DSCAM: variants seen among roughly 807,000 people sequenced by gnomAD.
DSCAM encodes cell adhesion molecule DSCAM.
Under a neutral mutation model 217.7 loss-of-function variants are expected in DSCAM, and 47 were observed. The ratio of observed to expected loss-of-function variants is 0.22; its 90% CI spans 0.17 to 0.28. The LOEUF is 0.28. DSCAM is among the 10% of genes least tolerant of loss of function. The pLI is 1.00. For missense variants in DSCAM, 2,080 were observed against 2,618.3 expected (o/e 0.79, Z 4.49); for synonymous variants, 1,056 against 1,015.3 (o/e 1.04, Z -0.76).
chr21:40,383,775 TC>T (rs2075051693), intron 3 of DSCAM: 1 of 152,230 alleles, frequency 6.6e-6, no homozygotes, highest in Non-Finnish European at 1.5e-5. Context: ...AAACTGATTT[TC>T]CATTTAAAAG....
intron 3 of DSCAM, among the ~76,000 whole-genome samples, chr21:40,577,452 T>C (rs974385728): frequency 6.8e-5 from 8 of 117,958 alleles, no homozygotes; most frequent in African/African-American, 2.1e-4. Flanking sequence ...TTTCCTCAGG[T>C]GGCGCCCCCC....
At chr21:40,174,591 T>C (rs1350620841) in intron 15 of DSCAM, among the ~76,000 whole-genome samples, 1 of 151,774 alleles carries the variant, frequency 6.6e-6, no homozygotes, top group Non-Finnish European at 1.5e-5. Flanking sequence ...TAGGTGAAGT[T>C]TGGCTCACCG....
intron 3 of DSCAM, among the ~76,000 whole-genome samples, chr21:40,576,925 C>T (rs2076855495): frequency 6.6e-6 from 1 of 151,456 alleles, no homozygotes; most frequent in Non-Finnish European, 1.5e-5. Context: ...AAACGCCACA[C>T]TTTGAGACGA....
At chr21:40,327,822 C>A (rs939388417) in intron 8 of DSCAM, among the ~76,000 whole-genome samples, 2 of 151,420 alleles carry the variant, frequency 1.3e-5, no homozygotes, top group African/African-American at 2.4e-5. Context: ...AGCTACAAGG[C>A]AAAAATCAGT....
intron 3 of DSCAM, among the ~76,000 whole-genome samples, chr21:40,459,031 G>A (rs900587547): frequency 1.3e-5 from 2 of 151,540 alleles, no homozygotes; most frequent in Admixed American, 6.6e-5. Flanking sequence ...AACAAGAAAG[G>A]ATGAAAATAA....
intron 28 of DSCAM, among the ~76,000 whole-genome samples, chr21:40,062,177 A>G (rs1002704880): frequency 1.7e-4 from 26 of 152,212 alleles, no homozygotes; most frequent in African/African-American, 6.3e-4. Context: ...CACACTTGTC[A>G]CAGCTTTGCC....
In DSCAM at chr21:40,347,700, C is replaced by T. The variant is rs762944210; in HGVS notation, c.1180G>A (p.Ala394Thr). ...AGGACCACCTGCACATAGTCTTGAG[C>T]GGACAGCTTGTCCTTGCGCACAAAG... Reference protein sequence around the residue: ...QCFVRKDKLSAQDYVQVVLED... With the variant: ...QCFVRKDKLSTQDYVQVVLED... The change falls in exon 6 of 33, where the codon GCT becomes ACT. Residue 394 changes from alanine (A) to threonine (T), a missense_variant. Ala to Thr is a moderately conservative substitution (Grantham distance 58). Coordinates refer to ENST00000400454, the MANE Select transcript of DSCAM (RefSeq NM_001389.5). The T allele has an allele frequency of 1.4e-5, 22 of 1,613,950 alleles. No homozygotes were observed. The highest frequency in any genetic ancestry group is 1.3e-4 in the Admixed American group (8 of 60,000).
chr21:40,311,545 G>A (rs2074137391), intron 9 of DSCAM, among the ~76,000 whole-genome samples: 1 of 152,082 alleles, frequency 6.6e-6, no homozygotes, highest in South Asian at 2.1e-4. Context: ...ATTTTAAAAC[G>A]TTGCAATGGC....
At chr21:40,564,094 A>G (rs907050772) in intron 3 of DSCAM, among the ~76,000 whole-genome samples, 2 of 152,170 alleles carry the variant, frequency 1.3e-5, no homozygotes, top group African/African-American at 4.8e-5. Context: ...AATGTCAAAC[A>G]TTTAATGATA....
chr21:40,259,658 A>ATTTTTTTT (rs1365627587), intron 11 of DSCAM, among the ~76,000 whole-genome samples: 1 of 60,134 alleles, frequency 1.7e-5, no homozygotes, highest in Non-Finnish European at 4.2e-5. Flanking sequence ...TGAGTCAGCC[A>ATTTTTTTT]TTCTTTTTTT....
intron 3 of DSCAM, among the ~76,000 whole-genome samples, chr21:40,532,673 G>A (rs74714471): frequency 0.015 from 2,344 of 152,164 alleles, 21 homozygotes; most frequent in Non-Finnish European, 0.026. Flanking sequence ...GATATAAGAT[G>A]GCCAAGGGCA....
At chr21:40,248,418 C>A (rs944104299) in intron 11 of DSCAM, among the ~76,000 whole-genome samples, 1 of 152,208 alleles carries the variant, frequency 6.6e-6, no homozygotes, top group African/African-American at 2.4e-5. Context: ...ATTTCTTCCA[C>A]CAGATACCCT....
At position 40,699,608 on chromosome 21, in the gene DSCAM, G is replaced by A. The variant is rs182573983; in HGVS notation, c.362-6652C>T. Among the ~76,000 whole-genome samples the A allele has an allele frequency of 4.8e-3, 733 of 152,228 alleles. 4 individuals are homozygous for A. The highest frequency in any genetic ancestry group is 0.017 in the African/African-American group (694 of 41,504). On this transcript the variant is annotated intron_variant, in intron 2 of 32. Coordinates refer to ENST00000400454, the MANE Select transcript of DSCAM (RefSeq NM_001389.5). ...AGTGAAACTACCTTACTGGTGGTGT[G>A]GAGAAAATTTGAGTAGATAGAAGAT... is the stretch of plus-strand genomic sequence containing the variant.
chr21:40,834,218 C>T (rs138953121), intron 1 of DSCAM, among the ~76,000 whole-genome samples: 2,084 of 151,732 alleles, frequency 0.014, 49 homozygotes, highest in African/African-American at 0.048. Context: ...ACCATCCTGG[C>T]TAACATGGTG....
At chr21:40,368,154 C>G (rs2074853635) in intron 4 of DSCAM, among the ~76,000 whole-genome samples, 1 of 152,122 alleles carries the variant, frequency 6.6e-6, no homozygotes, top group Admixed American at 6.6e-5. Flanking sequence ...AATTTTATAT[C>G]AGGATCCCCC....
At chr21:40,416,032 A>G (rs934201754) in intron 3 of DSCAM, among the ~76,000 whole-genome samples, 10 of 152,190 alleles carry the variant, frequency 6.6e-5, no homozygotes, top group Non-Finnish European at 1.5e-4. Flanking sequence ...TCTAGACTTC[A>G]TCAGTTTTTC....
At chr21:40,437,807 G>A (rs536224643) in intron 3 of DSCAM, among the ~76,000 whole-genome samples, 21 of 152,248 alleles carry the variant, frequency 1.4e-4, no homozygotes, top group African/African-American at 4.8e-4. Context: ...CCGAGATCCT[G>A]CCACTGCACT....
intron 3 of DSCAM, among the ~76,000 whole-genome samples, chr21:40,533,475 G>A (rs920699466): frequency 1.7e-4 from 25 of 146,594 alleles, no homozygotes; most frequent in African/African-American, 2.5e-4. Context: ...CCATCCATCC[G>A]TCCGTCCATC....
At chr21:40,842,349 A>G (rs535528315) in intron 1 of DSCAM, among the ~76,000 whole-genome samples, 8 of 152,330 alleles carry the variant, frequency 5.3e-5, no homozygotes, top group African/African-American at 1.9e-4. Flanking sequence ...CGAAGTGCTC[A>G]TTTCCGAAAT....
Sources: allele counts gnomAD v4.1 joint callset (sites outside exome capture counted in the v4.1 genomes callset), GRCh38; gene constraint gnomAD v4.1.1; transcripts MANE v1.5; gene names NCBI Gene and HGNC (gene_info 2026-07-23, HGNC 2026-07-21).